YES1: variants seen among roughly 807,000 people sequenced by gnomAD.
The protein encoded by YES1 is tyrosine-protein kinase Yes.
In YES1, 39 loss-of-function variants were observed where a neutral mutation model predicts 70.4. That is an observed-to-expected ratio of 0.55 (90% confidence interval 0.43 to 0.72). The LOEUF (loss-of-function observed/expected upper bound fraction) is 0.72, where lower values mean the gene tolerates loss of function less well. Ranked by LOEUF, YES1 falls within the 30% of genes least tolerant of loss-of-function variation. The pLI is 0.00. For synonymous variants in YES1, 198 were observed against 218.6 expected, an observed-to-expected ratio of 0.91 and a Z score of 0.83; for missense variants, 495 against 644.8, an observed-to-expected ratio of 0.77 and a Z score of 2.52.
chr18:784,730 A>G (rs918499550), intron 1 of YES1, among the ~76,000 whole-genome samples: 11 of 152,202 alleles, frequency 7.2e-5, no homozygotes, highest in African/African-American at 2.4e-4. Flanking sequence ...TTGTTGTTAC[A>G]TTTCCTTGAC....
Position 744,940 on chromosome 18 carries a change from C to T in YES1, c.724+768G>A, listed in dbSNP as rs144675316. Among the ~76,000 whole-genome samples, 77 of 152,164 alleles carry T rather than the reference C, an allele frequency of 5.1e-4. No individual in the cohort carries two copies. The East Asian group carries it at 0.014, about 28-fold the overall frequency. ...TCTTATTATAAATGAGACATGTTCT[C>T]TCCTATTCTCACTAAAATAACCACA... On this transcript the variant is annotated intron_variant, in intron 6 of 11. Coordinates refer to ENST00000314574, the MANE Select transcript of YES1 (RefSeq NM_005433.4).
chr18:733,035 G>A, intron 10 of YES1, 70 bp from the exon 11 acceptor site: 1 of 1,487,728 alleles, frequency 6.7e-7, no homozygotes, highest in South Asian at 1.1e-5. Context: ...AGCATATGCA[G>A]GGCTAATGTT....
At chr18:748,816 G>C (rs2080309815) in intron 3 of YES1, among the ~76,000 whole-genome samples, 1 of 151,828 alleles carries the variant, frequency 6.6e-6, no homozygotes, top group East Asian at 1.9e-4. Flanking sequence ...AAATCACAAT[G>C]CTCTAACATT....
intron 11 of YES1, among the ~76,000 whole-genome samples, chr18:728,082 T>C (rs1462715357): frequency 6.6e-6 from 1 of 152,118 alleles, no homozygotes; most frequent in Non-Finnish European, 1.5e-5. Flanking sequence ...GCACCTGTAA[T>C]CCCGGCACTT....
At chr18:725,333 T>C (rs190364131) in intron 11 of YES1, among the ~76,000 whole-genome samples, 77 of 152,290 alleles carry the variant, frequency 5.1e-4, no homozygotes, top group African/African-American at 1.8e-3. Flanking sequence ...TGCCTGCAAG[T>C]CAGGCCATCC....
chr18:731,360 T>C (rs1036521992), intron 11 of YES1, among the ~76,000 whole-genome samples: 1 of 151,958 alleles, frequency 6.6e-6, no homozygotes, highest in Non-Finnish European at 1.5e-5. Flanking sequence ...GAGAGGACAA[T>C]GGTGAGTCAT....
At chr18:728,757 C>T (rs991563144) in intron 11 of YES1, among the ~76,000 whole-genome samples, 4 of 152,180 alleles carry the variant, frequency 2.6e-5, no homozygotes, top group Non-Finnish European at 5.9e-5. Flanking sequence ...AACCCCTGAC[C>T]TCGTGATCCA....
chr18:765,222 T>G (rs1318289317), intron 1 of YES1, among the ~76,000 whole-genome samples: 1 of 130,184 alleles, frequency 7.7e-6, no homozygotes. Flanking sequence ...TTCAAGACAC[T>G]GGACAGGTTT....
chr18:731,362 G>C (rs899322581), intron 11 of YES1, among the ~76,000 whole-genome samples: 2 of 152,130 alleles, frequency 1.3e-5, no homozygotes, highest in Admixed American at 6.6e-5. Flanking sequence ...GAGGACAATG[G>C]TGAGTCATTA....
At chr18:728,529 G>A (rs554588849) in intron 11 of YES1, among the ~76,000 whole-genome samples, 2 of 151,972 alleles carry the variant, frequency 1.3e-5, no homozygotes, top group South Asian at 4.1e-4. Context: ...GGAGCATTTC[G>A]GTTTTTTTTC....
intron 11 of YES1, among the ~76,000 whole-genome samples, chr18:726,001 T>C (rs2080014237): frequency 2.0e-5 from 3 of 152,238 alleles, no homozygotes; most frequent in Admixed American, 1.3e-4. Flanking sequence ...CTTACTATAA[T>C]TGAACTTCTT....
In YES1 at chr18:799,246, GTTCTCCCAAAATTCA is replaced by G. The variant is rs1454908659; in HGVS notation, c.-9+12853_-9+12867del. Among the ~76,000 whole-genome samples the G allele has an allele frequency of 3.3e-5, 5 of 152,274 alleles. No individual in the cohort carries two copies. In the East Asian group the frequency reaches 7.7e-4, roughly 23 times the overall value. ...CCTTCTGTGACAGAGATAATTACCT[GTTCTCCCAAAATTCA>G]TTCTCCCCTTCTATGGTATGCAGCC... On this transcript the variant is annotated intron_variant, in intron 1 of 11. Coordinates refer to ENST00000314574, the MANE Select transcript of YES1 (RefSeq NM_005433.4).
intron 1 of YES1, among the ~76,000 whole-genome samples, chr18:789,744 A>G (rs769071119): frequency 1.3e-5 from 2 of 152,020 alleles, no homozygotes; most frequent in Non-Finnish European, 2.9e-5. Context: ...GGAGCAAACA[A>G]AATTAGGAGA....
chr18:812,526 T>G (rs1047227385), upstream of YES1: 2 of 152,276 alleles, frequency 1.3e-5, no homozygotes, highest in African/African-American at 4.8e-5. Context: ...AGGCGACCGG[T>G]CCGTGTCACT....
intron 1 of YES1, among the ~76,000 whole-genome samples, chr18:789,555 C>A (rs1024551313): frequency 2.0e-5 from 3 of 152,048 alleles, no homozygotes; most frequent in African/African-American, 7.2e-5. Flanking sequence ...TGCACTTCAG[C>A]CTAGGCAAGA....
chr18:733,568 G>C (rs2080115837), intron 10 of YES1, among the ~76,000 whole-genome samples: 1 of 151,640 alleles, frequency 6.6e-6, no homozygotes, highest in Non-Finnish European at 1.5e-5. Context: ...TGGATCATGA[G>C]GTCAGGAGAT....
At chr18:766,718 T>A (rs968527305) in intron 1 of YES1, among the ~76,000 whole-genome samples, 3 of 152,120 alleles carry the variant, frequency 2.0e-5, no homozygotes, top group Non-Finnish European at 2.9e-5. Context: ...CCATCTCTAC[T>A]TTGGTGACGT....
intron 3 of YES1, among the ~76,000 whole-genome samples, chr18:749,741 T>G (rs1035597644): frequency 6.6e-6 from 1 of 151,062 alleles, no homozygotes; most frequent in Non-Finnish European, 1.5e-5. Flanking sequence ...GCGCCTGTAG[T>G]CCCAGCTACT....
intron 1 of YES1, among the ~76,000 whole-genome samples, chr18:775,851 CCT>C (rs1465030768): frequency 2.6e-5 from 4 of 152,090 alleles, no homozygotes; most frequent in Middle Eastern, 3.4e-3. Flanking sequence ...TTGTATTTGA[CCT>C]CTTTCACTTA....
Sources: allele counts gnomAD v4.1 joint callset (sites outside exome capture counted in the v4.1 genomes callset), GRCh38; gene constraint gnomAD v4.1.1; transcripts MANE v1.5; gene names NCBI Gene and HGNC (gene_info 2026-07-23, HGNC 2026-07-21).